The following ANO2 variants were observed in gnomAD, a reference collection of about 807,000 sequenced individuals.
ANO2 encodes the protein anoctamin 2.
A neutral mutation model predicts 124.2 loss-of-function variants in ANO2; 101 were observed. The ratio of observed to expected loss-of-function variants is 0.81; its 90% CI spans 0.69 to 0.96. The LOEUF is 0.96. ANO2 is among the 40% of genes least tolerant of loss of function. The pLI, the probability that ANO2 is intolerant of heterozygous loss-of-function variation, is 0.00. For missense variants in ANO2, 1,293 were observed against 1,274.5 expected, an observed-to-expected ratio of 1.01 and a Z score of -0.22; for synonymous variants, 486 against 482.5, an observed-to-expected ratio of 1.01 and a Z score of -0.09.
chr12:5,622,891 G>A (rs1945189784), intron 16 of ANO2, among the ~76,000 whole-genome samples: 1 of 151,636 alleles, frequency 6.6e-6, no homozygotes, highest in African/African-American at 2.4e-5. Context: ...TTGAACTCAG[G>A]AGGCAGAGGT....
intron 14 of ANO2, among the ~76,000 whole-genome samples, chr12:5,656,176 C>T (rs958697605): frequency 1.3e-5 from 2 of 152,120 alleles, no homozygotes; most frequent in Admixed American, 1.3e-4. Flanking sequence ...ACCAGCACTT[C>T]CCCATACTCT....
rs11063790 is a variant in ANO2, at chr12:5,639,227, C to T, written c.1621-3880G>A. Among the ~76,000 whole-genome samples, 254 of 152,304 alleles carry T rather than the reference C, an allele frequency of 1.7e-3. 7 individuals are homozygous for T. In the East Asian group the frequency reaches 0.041, roughly 24 times the overall value. On this transcript the variant is annotated intron_variant, in intron 15 of 24. Transcript: ENST00000682330. ...CTCTGCTGATCCCCAGCATGGCACACGATAGTAGCTCAAGTATAAAAATAC... is the reference window on the plus strand; with the variant it reads ...CTCTGCTGATCCCCAGCATGGCACATGATAGTAGCTCAAGTATAAAAATAC...
chr12:5,569,719 T>G (rs1565421328), intron 23 of ANO2, among the ~76,000 whole-genome samples: 1 of 152,112 alleles, frequency 6.6e-6, no homozygotes, highest in Non-Finnish European at 1.5e-5. Flanking sequence ...ATAATAGATG[T>G]GTGTGCGTGT....
At chr12:5,945,599 C>T (rs1313040633), upstream of ANO2, among the ~76,000 whole-genome samples, 2 of 152,258 alleles carry the variant, frequency 1.3e-5, no homozygotes, top group African/African-American at 4.8e-5. Flanking sequence ...ATCTCATGAA[C>T]TGTCTGGCTG....
chr12:5,752,583 T>C (rs537088498), intron 10 of ANO2, among the ~76,000 whole-genome samples: 8 of 152,318 alleles, frequency 5.3e-5, no homozygotes, highest in Admixed American at 2.0e-4. Flanking sequence ...TTTCTTTGTT[T>C]TGCCACTGAA....
intron 24 of ANO2, among the ~76,000 whole-genome samples, chr12:5,563,840 T>C (rs1941593874): frequency 6.6e-6 from 1 of 152,244 alleles, no homozygotes; most frequent in Non-Finnish European, 1.5e-5. Flanking sequence ...CCATCAGTAG[T>C]AGTTACTGCT....
Position 5,925,211 on chromosome 12 carries a change from T to A in ANO2, c.23-2407A>T, listed in dbSNP as rs769940405. On this transcript the variant is annotated intron_variant, in intron 1 of 24. Transcript: ENST00000682330. This position sits in a 1 kb window ranked among gnomAD's most constrained non-coding sequence, Gnocchi z 4.6. Reference sequence around the variant, plus strand: ...CCTACCCTGGCAGCTACATTCAGATTTGCACCTGTGGCTCAGAGTAGCTCA... The same window carrying A: ...CCTACCCTGGCAGCTACATTCAGATATGCACCTGTGGCTCAGAGTAGCTCA... Among the ~76,000 whole-genome samples the A allele has an allele frequency of 6.6e-6, 1 of 152,160 alleles. No homozygotes were observed. Among genetic ancestry groups the A allele is most frequent in the Non-Finnish European group, 1.5e-5 (1 of 68,034 alleles).
At chr12:5,625,067 G>A (rs571961409) in intron 16 of ANO2, among the ~76,000 whole-genome samples, 2 of 152,196 alleles carry the variant, frequency 1.3e-5, no homozygotes, top group Non-Finnish European at 2.9e-5. Flanking sequence ...GGAGAGGAAG[G>A]CCGGAGAGTA....
At chr12:5,633,100 G>A (rs1423439580) in intron 16 of ANO2, among the ~76,000 whole-genome samples, 1 of 152,172 alleles carries the variant, frequency 6.6e-6, no homozygotes, top group Non-Finnish European at 1.5e-5. Flanking sequence ...AGTTGTAATG[G>A]CTCAGCTTGT....
chr12:5,942,261 T>G (rs1388166965), intron 1 of ANO2, among the ~76,000 whole-genome samples: 1 of 152,218 alleles, frequency 6.6e-6, no homozygotes, highest in Non-Finnish European at 1.5e-5. Context: ...CAAATAGCAT[T>G]TTTTAAAGTG....
intron 10 of ANO2, among the ~76,000 whole-genome samples, chr12:5,792,519 T>A (rs917086140): frequency 3.9e-5 from 6 of 152,186 alleles, no homozygotes; most frequent in African/African-American, 1.4e-4. Context: ...AGTGATGCAA[T>A]CCTAGCTTGG....
Position 5,660,101 on chromosome 12 carries a change from A to G in ANO2, c.1546-12300T>C, listed in dbSNP as rs139786557. 4.0e-5 allele frequency among the ~76,000 whole-genome samples: 6 copies of G among 151,822 alleles called. 1 individual carries two copies. In the East Asian group the frequency reaches 1.2e-3, roughly 29 times the overall value. On this transcript the variant is annotated intron_variant, in intron 14 of 24. Transcript: ENST00000682330. ...TGACTTAATGATGGTTCGACTTACA[A>G]TTTTTCGACTTTACAACAGGTTTAT...
chr12:5,599,523 C>T lies in ANO2; in HGVS notation c.2194G>A (p.Glu732Lys), dbSNP rs375652166. The T allele has an allele frequency of 4.3e-6, 7 of 1,613,610 alleles. No homozygotes were observed. The highest frequency in any genetic ancestry group is 5.9e-6 in the Non-Finnish European group (7 of 1,179,780). Residue 732 changes from glutamate to lysine, a missense_variant, in exon 20 of 25, where the codon GAA (glutamate) becomes AAA (lysine). By Grantham distance (56) the Glu-to-Lys change is moderately conservative (BLOSUM62 1). Coordinates refer to ENST00000682330, the MANE Select transcript of ANO2 (RefSeq NM_001364791.2). ...PEQWDLDYSL[E>K]PYTGLTPEYM... is the part of the protein sequence containing the mutation. The stretch of plus-strand genomic sequence containing the variant: ...TCCGGAGTCAGTCCTGTGTATGGTT[C>T]CAAGCTGTAGTCTAGGTCCCACTGC...
Position 5,900,642 on chromosome 12 carries a change from G to A in ANO2, c.534+20398C>T, listed in dbSNP as rs1280567366. On this transcript the variant is annotated intron_variant, in intron 3 of 24. Coordinates refer to ENST00000682330, the MANE Select transcript of ANO2 (RefSeq NM_001364791.2). This position sits in a 1 kb window ranked among gnomAD's most constrained non-coding sequence, Gnocchi z 4.2. ...ATGGGGGAGCATTTGCTCTACCTCCGCATTTAACGTGTGGTCCCTGCCATC... is the reference window on the plus strand; with the variant it reads ...ATGGGGGAGCATTTGCTCTACCTCCACATTTAACGTGTGGTCCCTGCCATC... Among the ~76,000 whole-genome samples the A allele has an allele frequency of 6.7e-5, 10 of 150,012 alleles. No individual in the cohort carries two copies. The highest frequency in any genetic ancestry group is 2.0e-4 in the African/African-American group (8 of 40,876).
At chr12:5,743,667 G>A (rs1269133434) in intron 12 of ANO2, among the ~76,000 whole-genome samples, 1 of 152,126 alleles carries the variant, frequency 6.6e-6, no homozygotes, top group East Asian at 1.9e-4. Flanking sequence ...ATTAAACAGT[G>A]CAGGGACAGT....
intron 1 of ANO2, among the ~76,000 whole-genome samples, chr12:5,931,876 T>A (rs28700033): frequency 1.8e-5 from 2 of 108,440 alleles, no homozygotes; most frequent in Non-Finnish European, 4.1e-5. Context: ...GGCAGACGAG[T>A]GAGGAAAGAA....
At position 5,565,612 on chromosome 12, in the gene ANO2, C is replaced by G; in HGVS notation, c.2673G>C (p.Ser891=). 2 of 1,606,074 alleles carry G rather than the reference C, an allele frequency of 1.2e-6. No individual in the cohort carries two copies. The highest frequency in any genetic ancestry group is 1.7e-6 in the Non-Finnish European group (2 of 1,176,160). ...PPWAPNPYEF[S]KQYWFILSAR... is the part of the protein sequence containing the mutation. ...CGGACAGAATAAACCAGTACTGTTT[C>G]GAAAACTCATAAGGGTTCGGGGCCC... is the stretch of plus-strand genomic sequence containing the variant. Residue 891 remains serine (S), a synonymous_variant, in exon 24 of 25, where the codon TCG becomes TCC. Coordinates refer to ENST00000682330, the MANE Select transcript of ANO2 (RefSeq NM_001364791.2).
intron 13 of ANO2, chr12:5,732,863 AACCTGGGC>A: frequency 1.2e-6 from 2 of 1,614,016 alleles, no homozygotes. Flanking sequence ...CTGAAAACCA[AACCTGGGC>A]ACGTTCCTGG....
intron 3 of ANO2, among the ~76,000 whole-genome samples, chr12:5,909,555 C>T (rs1052289932): frequency 3.3e-5 from 5 of 152,180 alleles, no homozygotes; most frequent in African/African-American, 1.2e-4. Flanking sequence ...GGTCCTAGAA[C>T]CCAGGTCTTC....
Sources: allele counts gnomAD v4.1 joint callset (sites outside exome capture counted in the v4.1 genomes callset), GRCh38; gene constraint gnomAD v4.1.1; non-coding constraint Gnocchi (gnomAD v3.1); transcripts MANE v1.5; gene names NCBI Gene and HGNC (gene_info 2026-07-23, HGNC 2026-07-21).